The following HPCAL1 variants were observed in gnomAD, a reference collection of about 807,000 sequenced individuals.
HPCAL1 encodes the protein hippocalcin like 1.
A neutral mutation model predicts 17.1 loss-of-function variants in HPCAL1; 8 were observed. The observed-to-expected ratio is 0.47, with a 90% CI of 0.27 to 0.84. HPCAL1 has a LOEUF of 0.84. Among genes scored for constraint, HPCAL1 ranks in the 40% least tolerant of loss-of-function variants. HPCAL1 has a pLI of 0.13. For synonymous variants in HPCAL1, 112 were observed against 111.4 expected (o/e 1.01, Z -0.03); for missense variants, 165 against 271.1 (o/e 0.61, Z 2.75).
At chr2:10,313,816 T>G (rs1005237206) in intron 1 of HPCAL1, among the ~76,000 whole-genome samples, 21 of 152,236 alleles carry the variant, frequency 1.4e-4, no homozygotes, top group Non-Finnish European at 2.2e-4. Context: ...AGAATTTTCC[T>G]AGCTAAATTG....
chr2:10,387,247 A>T (rs997491668), intron 1 of HPCAL1, among the ~76,000 whole-genome samples: 2 of 152,248 alleles, frequency 1.3e-5, no homozygotes, highest in African/African-American at 4.8e-5. Context: ...TCCTTGTGCC[A>T]GCCTCACGGC....
At chr2:10,389,306 C>T (rs1369582739) in intron 1 of HPCAL1, among the ~76,000 whole-genome samples, 3 of 152,238 alleles carry the variant, frequency 2.0e-5, no homozygotes, top group African/African-American at 7.2e-5. Context: ...CTGCTCTGGG[C>T]ACACTGCCTG....
intron 2 of HPCAL1, among the ~76,000 whole-genome samples, chr2:10,401,695 A>G (rs1669624494): frequency 6.6e-6 from 1 of 152,002 alleles, no homozygotes; most frequent in East Asian, 1.9e-4. Flanking sequence ...TGTGCTAATA[A>G]TTGGTTATGG....
At chr2:10,416,507 A>G (rs796657606) in intron 2 of HPCAL1, among the ~76,000 whole-genome samples, 22 of 152,316 alleles carry the variant, frequency 1.4e-4, no homozygotes, top group African/African-American at 5.1e-4. Context: ...CTCTTCCAAC[A>G]GGATAGCAGT....
intron 1 of HPCAL1, among the ~76,000 whole-genome samples, chr2:10,319,807 A>G (rs1663558159): frequency 2.0e-5 from 3 of 151,746 alleles, no homozygotes; most frequent in Admixed American, 2.0e-4. Context: ...TAAGAGAGTG[A>G]TCCAAGCAGA....
intron 1 of HPCAL1, among the ~76,000 whole-genome samples, chr2:10,326,465 A>T (rs1664024912): frequency 6.6e-6 from 1 of 152,178 alleles, no homozygotes; most frequent in Non-Finnish European, 1.5e-5. Context: ...AGGTGGGGGC[A>T]GGCAGTGTTG....
intron 2 of HPCAL1, among the ~76,000 whole-genome samples, chr2:10,409,017 A>T (rs1038585147): frequency 6.6e-6 from 1 of 152,260 alleles, no homozygotes; most frequent in Non-Finnish European, 1.5e-5. Flanking sequence ...GTTAGATCCC[A>T]AATGGTATCA....
At position 10,354,766 on chromosome 2, in the gene HPCAL1, T is replaced by G. The variant is rs969290801; in HGVS notation, c.-110-42069T>G. 6.6e-6 allele frequency among the ~76,000 whole-genome samples: 1 copy of G among 152,252 alleles called. No individual in the cohort carries two copies. Among genetic ancestry groups the G allele is most frequent in the Non-Finnish European group, 1.5e-5 (1 of 68,042 alleles). ...AGGAGGGAGGATATGGATGTGAGCT[T>G]ATTGTACAAATGCCCTGGGTTTTCC... On this transcript the variant is annotated intron_variant, in intron 1 of 4. Coordinates refer to ENST00000307845, the MANE Select transcript of HPCAL1 (RefSeq NM_002149.4). The surrounding 1 kb of genome is among the most constrained non-coding windows in gnomAD (Gnocchi z 5.1).
At chr2:10,382,547 G>A (rs1302029353) in intron 1 of HPCAL1, among the ~76,000 whole-genome samples, 3 of 145,706 alleles carry the variant, frequency 2.1e-5, no homozygotes, top group Non-Finnish European at 3.0e-5. Context: ...CTTTCCACGC[G>A]ATTTTGCTGT....
chr2:10,360,061 T>G (rs896193599), intron 1 of HPCAL1, among the ~76,000 whole-genome samples: 1 of 152,162 alleles, frequency 6.6e-6, no homozygotes, highest in Non-Finnish European at 1.5e-5. Flanking sequence ...GCAGCAGGCC[T>G]CAGACCCTGG....
At chr2:10,404,126 C>T (rs1226427053) in intron 2 of HPCAL1, among the ~76,000 whole-genome samples, 4 of 152,186 alleles carry the variant, frequency 2.6e-5, no homozygotes, top group Non-Finnish European at 5.9e-5. Context: ...AGGTTTGTAG[C>T]AGGGACAAGT....
intron 1 of HPCAL1, among the ~76,000 whole-genome samples, chr2:10,329,779 G>A (rs1462393988): frequency 6.6e-6 from 1 of 152,256 alleles, no homozygotes; most frequent in Non-Finnish European, 1.5e-5. Context: ...GTGGGCCTGG[G>A]TTGGGGCTCC....
intron 1 of HPCAL1, among the ~76,000 whole-genome samples, chr2:10,380,115 G>A (rs1177079448): frequency 1.3e-5 from 2 of 152,224 alleles, no homozygotes; most frequent in African/African-American, 4.8e-5. Flanking sequence ...CAGACTGAGT[G>A]TGTTGTGCAA....
chr2:10,423,038 C>T lies in HPCAL1; in HGVS notation c.434C>T (p.Pro145Leu), dbSNP rs1558537435. The change falls in exon 4 of 5, where the codon CCG becomes CTG. Residue 145 changes from proline to leucine, a missense_variant. Coordinates refer to ENST00000307845, the MANE Select transcript of HPCAL1 (RefSeq NM_002149.4). The part of the protein sequence containing the change: ...VMKMPEDEST[P>L]EKRTDKIFRQ... ...AAGATGCCGGAGGATGAGTCCACCC[C>T]GGAGAAGCGCACAGACAAGATCTTC... 3 of 1,613,632 alleles carry T rather than the reference C, an allele frequency of 1.9e-6. No homozygotes were observed. The highest frequency in any genetic ancestry group is 1.6e-4 in the Middle Eastern group (1 of 6,062).
At chr2:10,425,001 G>A (rs994575610) in intron 4 of HPCAL1, 10 of 197,554 alleles carry the variant, frequency 5.1e-5, no homozygotes, top group East Asian at 1.3e-4. Flanking sequence ...CAACCCCCTC[G>A]CCTGCCCTGC....
chr2:10,332,635 G>A (rs1387419112), intron 1 of HPCAL1, among the ~76,000 whole-genome samples: 5 of 152,204 alleles, frequency 3.3e-5, no homozygotes, highest in Non-Finnish European at 7.3e-5. Flanking sequence ...AAATGCAGTC[G>A]GGGTTGACCT....
At chr2:10,420,180 C>G in intron 3 of HPCAL1, 45 bp downstream of exon 3, 1 of 1,540,276 alleles carries the variant, frequency 6.5e-7, no homozygotes, top group Non-Finnish European at 8.8e-7. Flanking sequence ...GCCCAGGTCC[C>G]CTCCCAGCTC....
In HPCAL1 at chr2:10,377,429, G is replaced by A. The variant is rs1374369862; in HGVS notation, c.-110-19406G>A. On this transcript the variant is annotated intron_variant, in intron 1 of 4. Coordinates refer to ENST00000307845, the MANE Select transcript of HPCAL1 (RefSeq NM_002149.4). The surrounding 1 kb of genome is among the most constrained non-coding windows in gnomAD (Gnocchi z 5.9). ...GCTCAACTCTGTGGACACCAGTACA[G>A]TCAACAACTCTCACTCGCCGCGGGC... 6.6e-6 allele frequency among the ~76,000 whole-genome samples: 1 copy of A among 152,218 alleles called. No individual in the cohort carries two copies. The highest frequency in any genetic ancestry group is 1.5e-5 in the Non-Finnish European group (1 of 68,034).
At chr2:10,421,775 G>T (rs931134349) in intron 3 of HPCAL1, among the ~76,000 whole-genome samples, 8 of 152,174 alleles carry the variant, frequency 5.3e-5, no homozygotes, top group Non-Finnish European at 1.0e-4. Context: ...GGAACTTCAG[G>T]GGTGGGCCTC....
Sources: allele counts gnomAD v4.1 joint callset (sites outside exome capture counted in the v4.1 genomes callset), GRCh38; gene constraint gnomAD v4.1.1; non-coding constraint Gnocchi (gnomAD v3.1); transcripts MANE v1.5; gene names NCBI Gene and HGNC (gene_info 2026-07-23, HGNC 2026-07-21).